The following HPSE2 variants were observed in gnomAD, a reference collection of about 807,000 sequenced individuals.
HPSE2 encodes the protein heparanase 2 (inactive), also known as inactive heparanase-2.
HPSE2 carries 38 observed loss-of-function variants against 60.5 expected under a neutral mutation model. The observed-to-expected ratio is 0.63, with a 90% confidence interval of 0.48 to 0.82. HPSE2 has a LOEUF of 0.82. HPSE2 is among the 40% of genes least tolerant of loss of function. The pLI, the probability that HPSE2 is intolerant of heterozygous loss-of-function variation, is 0.00. For missense variants in HPSE2, 713 were observed against 740.4 expected (o/e 0.96, Z 0.43); for synonymous variants, 295 against 293.2 (o/e 1.01, Z -0.06).
chr10:98,482,543 G>A lies in HPSE2; in HGVS notation c.1613+93C>T. 4.0e-6 allele frequency: 6 copies of A among 1,503,328 alleles called. No homozygotes were observed. The South Asian group carries it at 6.8e-5, about 17-fold the overall frequency. 93.1% of individuals were successfully genotyped at this position (1,503,328 alleles called of 1,614,324 possible). A position where few individuals can be genotyped will look rare whatever the true frequency, so the allele number is the denominator to read the frequency against. On this transcript the variant is annotated intron_variant, in intron 11 of 11. Coordinates refer to ENST00000370552, the MANE Select transcript of HPSE2 (RefSeq NM_021828.5). Reference sequence around the variant, plus strand: ...TCCTACTCCATCCCACTGAGCCCTTGAGAGAATTAGCAGCAACCTTGGTGT... The same window carrying A: ...TCCTACTCCATCCCACTGAGCCCTTAAGAGAATTAGCAGCAACCTTGGTGT...
intron 3 of HPSE2, among the ~76,000 whole-genome samples, chr10:98,926,409 A>G (rs1003187498): frequency 6.6e-6 from 1 of 152,140 alleles, no homozygotes; most frequent in African/African-American, 2.4e-5. Flanking sequence ...TAATGGTACA[A>G]TACAGCTAGG....
At chr10:98,972,857 T>C (rs1335507292) in intron 3 of HPSE2, among the ~76,000 whole-genome samples, 2 of 152,160 alleles carry the variant, frequency 1.3e-5, no homozygotes, top group Non-Finnish European at 2.9e-5. Flanking sequence ...CTCACGTTAA[T>C]GTAGTTCTTC....
At chr10:99,079,692 G>T (rs949681073) in intron 3 of HPSE2, among the ~76,000 whole-genome samples, 1 of 152,110 alleles carries the variant, frequency 6.6e-6, no homozygotes, top group African/African-American at 2.4e-5. Flanking sequence ...GAGAAGTTGA[G>T]GCATTGGATG....
chr10:99,121,607 T>C (rs1055586666), intron 3 of HPSE2, among the ~76,000 whole-genome samples: 3 of 152,088 alleles, frequency 2.0e-5, no homozygotes, highest in Non-Finnish European at 4.4e-5. Context: ...CAAACAACAA[T>C]GCCATATCAA....
intron 3 of HPSE2, among the ~76,000 whole-genome samples, chr10:99,073,533 T>A (rs886847181): frequency 6.6e-6 from 1 of 152,138 alleles, no homozygotes; most frequent in Admixed American, 6.5e-5. Context: ...CTGGGCTTAA[T>A]ACATAGGTGA....
At chr10:98,749,396 G>A (rs575927278) in intron 3 of HPSE2, among the ~76,000 whole-genome samples, 6 of 150,958 alleles carry the variant, frequency 4.0e-5, no homozygotes, top group Admixed American at 1.3e-4. Context: ...ATATACATGC[G>A]TGTATATCTG....
At chr10:98,984,434 GA>G (rs1956286316) in intron 3 of HPSE2, among the ~76,000 whole-genome samples, 1 of 152,186 alleles carries the variant, frequency 6.6e-6, no homozygotes, top group South Asian at 2.1e-4. Flanking sequence ...TGAGGGTCCT[GA>G]CTCTTAGAAG....
chr10:98,622,742 A>G (rs575757437), intron 7 of HPSE2, among the ~76,000 whole-genome samples: 44 of 152,314 alleles, frequency 2.9e-4, no homozygotes, highest in African/African-American at 1.0e-3. Context: ...GGTCAATAGC[A>G]TGTTGGTAAA....
chr10:99,080,846 C>T lies in HPSE2; in HGVS notation c.610+63392G>A, dbSNP rs546087286. Among the ~76,000 whole-genome samples, 4 of 152,190 alleles carry T rather than the reference C, an allele frequency of 2.6e-5. No homozygotes were observed. The East Asian group carries it at 7.7e-4, about 29-fold the overall frequency. On this transcript the variant is annotated intron_variant, in intron 3 of 11. Coordinates refer to ENST00000370552, the MANE Select transcript of HPSE2 (RefSeq NM_021828.5). ...GAGGTTTTTTTTCACTTTTATAGGC[C>T]AAAATTCCTCTTACAGACACATGTT...
chr10:98,598,506 G>C (rs1404074722), intron 9 of HPSE2, among the ~76,000 whole-genome samples: 3 of 152,302 alleles, frequency 2.0e-5, no homozygotes, highest in Middle Eastern at 3.4e-3. Flanking sequence ...CCTGGTGCTG[G>C]TGTGGGCCTT....
chr10:99,152,179 C>A (rs1455412227), intron 2 of HPSE2, among the ~76,000 whole-genome samples: 1 of 151,878 alleles, frequency 6.6e-6, no homozygotes, highest in Non-Finnish European at 1.5e-5. Context: ...GGCATGGTGG[C>A]AGGCGCCTGT....
intron 3 of HPSE2, among the ~76,000 whole-genome samples, 195 bp from the exon 4 acceptor site, chr10:98,744,251 G>A (rs1247044521): frequency 6.6e-6 from 1 of 152,198 alleles, no homozygotes; most frequent in Admixed American, 6.5e-5. Flanking sequence ...GACAGGGCTG[G>A]GCGCGGTGGC....
the HPSE2 span, among the ~76,000 whole-genome samples, chr10:99,306,772 C>T: frequency 1.3e-5 from 2 of 152,140 alleles, no homozygotes; most frequent in Non-Finnish European, 2.9e-5. Context: ...TACAATGGCG[C>T]GATCTCGGCT....
chr10:99,194,624 A>G (rs1400608774), intron 2 of HPSE2, among the ~76,000 whole-genome samples: 1 of 151,952 alleles, frequency 6.6e-6, no homozygotes, highest in Non-Finnish European at 1.5e-5. Flanking sequence ...TACCTGAGAA[A>G]CTACATGCCA....
At chr10:99,000,361 T>C (rs905906524) in intron 3 of HPSE2, among the ~76,000 whole-genome samples, 2 of 152,178 alleles carry the variant, frequency 1.3e-5, no homozygotes, top group Admixed American at 1.3e-4. Context: ...GAAAATGTTT[T>C]GTGGACACAA....
At chr10:98,921,017 G>T (rs1284144340) in intron 3 of HPSE2, among the ~76,000 whole-genome samples, 3 of 152,160 alleles carry the variant, frequency 2.0e-5, no homozygotes, top group African/African-American at 7.2e-5. Flanking sequence ...TCATAGTTAA[G>T]TGTGCAGGCT....
intron 5 of HPSE2, among the ~76,000 whole-genome samples, chr10:98,699,895 G>T (rs1403240376): frequency 2.3e-5 from 3 of 128,336 alleles, no homozygotes; most frequent in African/African-American, 5.2e-5. Context: ...ATTCACAATT[G>T]CTTCAAAGAG....
intron 6 of HPSE2, among the ~76,000 whole-genome samples, chr10:98,672,856 A>G (rs1947541792): frequency 2.6e-5 from 4 of 152,190 alleles, no homozygotes; most frequent in Non-Finnish European, 4.4e-5. Flanking sequence ...TTTCCAGAAA[A>G]AAAAAGATAA....
chr10:99,054,877 A>AG (rs1448097651), intron 3 of HPSE2, among the ~76,000 whole-genome samples: 7 of 152,090 alleles, frequency 4.6e-5, no homozygotes, highest in Admixed American at 3.9e-4. Context: ...TGCCCAGCTA[A>AG]TTTTTTGAAT....
Sources: allele counts gnomAD v4.1 joint callset (sites outside exome capture counted in the v4.1 genomes callset), GRCh38; gene constraint gnomAD v4.1.1; transcripts MANE v1.5; gene names NCBI Gene and HGNC (gene_info 2026-07-23, HGNC 2026-07-21).